Variants in TTC28 observed in about 807,000 individuals in gnomAD.
The protein encoded by TTC28 is tetratricopeptide repeat domain 28.
A neutral mutation model predicts 198.0 loss-of-function variants in TTC28; 61 were observed. That is an observed-to-expected ratio of 0.31 (90% CI 0.25 to 0.38). The LOEUF (loss-of-function observed/expected upper bound fraction) is 0.38. Ranked by LOEUF, TTC28 falls within the 10% of genes least tolerant of loss-of-function variation. The pLI is 1.00. For synonymous variants in TTC28, 1,171 were observed against 1,297.8 expected, an observed-to-expected ratio of 0.90 and a Z score of 2.10; for missense variants, 2,678 against 3,164.0, an observed-to-expected ratio of 0.85 and a Z score of 3.69.
At chr22:28,191,552 G>C (rs1477752456) in intron 5 of TTC28, among the ~76,000 whole-genome samples, 1 of 152,220 alleles carries the variant, frequency 6.6e-6, no homozygotes, top group Non-Finnish European at 1.5e-5. Context: ...AAAGAAAGGG[G>C]TAACAGATGG....
intron 2 of TTC28, among the ~76,000 whole-genome samples, chr22:28,391,716 T>C (rs2046724284): frequency 6.6e-6 from 1 of 152,198 alleles, no homozygotes; most frequent in Non-Finnish European, 1.5e-5. Flanking sequence ...CACTTCTCTG[T>C]ATTGGTTATT....
Position 28,616,040 on chromosome 22 carries a change from A to G in TTC28, c.381+13512T>C, listed in dbSNP as rs186225029. On this transcript the variant is annotated intron_variant, in intron 2 of 22. Coordinates refer to ENST00000397906, the MANE Select transcript of TTC28 (RefSeq NM_001145418.2). ...CAGACTCTGGTTTATATTATAGGAA[A>G]CTAAAATTGAATAGTCTCTGCAACA... Among the ~76,000 whole-genome samples, 3 of 152,358 alleles carry G rather than the reference A, an allele frequency of 2.0e-5. No homozygotes were observed. In the East Asian group the frequency reaches 5.8e-4, roughly 29 times the overall value.
chr22:28,636,530 T>C (rs1272016481), intron 1 of TTC28, among the ~76,000 whole-genome samples: 1 of 152,322 alleles, frequency 6.6e-6, no homozygotes, highest in African/African-American at 2.4e-5. Flanking sequence ...GCTGTATACA[T>C]GGAAGTGCAG....
chr22:28,059,698 A>C (rs1940432831), intron 12 of TTC28, among the ~76,000 whole-genome samples: 1 of 151,976 alleles, frequency 6.6e-6, no homozygotes, highest in Non-Finnish European at 1.5e-5. Flanking sequence ...ATTTTATCAA[A>C]TTTTGCTTCA....
At position 27,993,721 on chromosome 22, in the gene TTC28, C is replaced by CCA. The variant is rs541857683; in HGVS notation, c.5245-205_5245-204dup. Among the ~76,000 whole-genome samples, 19 of 152,276 alleles carry CCA rather than the reference C, an allele frequency of 1.2e-4. No individual in the cohort carries two copies. The East Asian group carries it at 3.3e-3, about 26-fold the overall frequency. On this transcript the variant is annotated intron_variant, in intron 17 of 22. Transcript: ENST00000397906. ...GAGGGCACAGAAGGGAAGGATTTTACCATCAGAGCCCTCGAGGGCTGGTAC... is the reference window on the plus strand; with the variant it reads ...GAGGGCACAGAAGGGAAGGATTTTACCACATCAGAGCCCTCGAGGGCTGGTAC...
At chr22:28,509,688 G>A (rs953699675) in intron 2 of TTC28, among the ~76,000 whole-genome samples, 9 of 151,612 alleles carry the variant, frequency 5.9e-5, no homozygotes, top group African/African-American at 2.2e-4. Context: ...AGATCAGAGT[G>A]GAACTAAAGG....
At chr22:28,553,181 A>G (rs374786016) in intron 2 of TTC28, among the ~76,000 whole-genome samples, 11 of 151,818 alleles carry the variant, frequency 7.2e-5, no homozygotes, top group East Asian at 1.9e-4. Context: ...CCAAAGTGCC[A>G]AGATTGCAGC....
intron 2 of TTC28, among the ~76,000 whole-genome samples, chr22:28,618,900 T>C (rs1208234248): frequency 6.6e-6 from 1 of 152,112 alleles, no homozygotes; most frequent in African/African-American, 2.4e-5. Flanking sequence ...GCTACACTTA[T>C]AGGATCCTAT....
intron 2 of TTC28, among the ~76,000 whole-genome samples, chr22:28,408,824 C>T (rs1324131516): frequency 6.6e-6 from 1 of 152,214 alleles, no homozygotes; most frequent in African/African-American, 2.4e-5. Context: ...TGAACTACCA[C>T]ATCTGAAAGA....
intron 2 of TTC28, among the ~76,000 whole-genome samples, chr22:28,395,255 G>A (rs970797755): frequency 1.3e-5 from 2 of 152,098 alleles, no homozygotes; most frequent in Admixed American, 1.3e-4. Flanking sequence ...TTTACAAAGA[G>A]AGAGCAAATT....
intron 12 of TTC28, among the ~76,000 whole-genome samples, chr22:28,077,205 C>T (rs927789571): frequency 1.3e-5 from 2 of 152,196 alleles, no homozygotes; most frequent in African/African-American, 4.8e-5. Flanking sequence ...CTATTGTTTA[C>T]AGTGCAGCTT....
chr22:28,075,661 C>T (rs528876251), intron 12 of TTC28, among the ~76,000 whole-genome samples: 1 of 152,328 alleles, frequency 6.6e-6, no homozygotes, highest in Admixed American at 6.5e-5. Flanking sequence ...CTGCAAACAC[C>T]ATTCAACATC....
At chr22:28,618,032 G>A (rs2050929695) in intron 2 of TTC28, among the ~76,000 whole-genome samples, 1 of 152,160 alleles carries the variant, frequency 6.6e-6, no homozygotes, top group Admixed American at 6.5e-5. Flanking sequence ...CAGCACTTTG[G>A]GGGGCCGAGG....
At chr22:28,627,873 G>C (rs1442730123) in intron 2 of TTC28, among the ~76,000 whole-genome samples, 2 of 152,042 alleles carry the variant, frequency 1.3e-5, no homozygotes, top group African/African-American at 2.4e-5. Context: ...AGGCCAAGAA[G>C]ACCTATCAGA....
At chr22:28,014,219 G>A (rs1938266786) in intron 14 of TTC28, 29 bp downstream of exon 14, 5 of 1,540,780 alleles carry the variant, frequency 3.2e-6, no homozygotes, top group African/African-American at 1.4e-5. Flanking sequence ...CTGATGCGGA[G>A]GAGCCTTGTG....
intron 2 of TTC28, among the ~76,000 whole-genome samples, chr22:28,471,830 A>G (rs2048099954): frequency 6.6e-6 from 1 of 152,160 alleles, no homozygotes; most frequent in African/African-American, 2.4e-5. Context: ...CCAGGCCAGT[A>G]TCAGATACAG....
chr22:28,276,673 A>G (rs1214092496), intron 5 of TTC28, among the ~76,000 whole-genome samples: 1 of 152,164 alleles, frequency 6.6e-6, no homozygotes, highest in Non-Finnish European at 1.5e-5. Context: ...TAAATACTTT[A>G]TCACAGATTA....
chr22:28,082,548 G>A (rs184503412), intron 12 of TTC28, among the ~76,000 whole-genome samples: 109 of 152,224 alleles, frequency 7.2e-4, no homozygotes, highest in Non-Finnish European at 1.4e-3. Flanking sequence ...GGTGTATTAC[G>A]CTGATTGATA....
chr22:28,077,857 T>G (rs1941218050), intron 12 of TTC28, among the ~76,000 whole-genome samples: 1 of 152,228 alleles, frequency 6.6e-6, no homozygotes, highest in South Asian at 2.1e-4. Context: ...AAACCCCTTG[T>G]GAGTGCTCCT....
Sources: allele counts gnomAD v4.1 joint callset (sites outside exome capture counted in the v4.1 genomes callset), GRCh38; gene constraint gnomAD v4.1.1; transcripts MANE v1.5; gene names NCBI Gene and HGNC (gene_info 2026-07-23, HGNC 2026-07-21).